BLM: variants seen among roughly 807,000 people sequenced by gnomAD.
The protein encoded by BLM is BLM RecQ like helicase.
A neutral mutation model predicts 135.3 loss-of-function variants in BLM; 95 were observed. The ratio of observed to expected loss-of-function variants is 0.70; its 90% CI spans 0.59 to 0.83. The LOEUF (loss-of-function observed/expected upper bound fraction) is 0.83. Ranked by LOEUF, BLM falls within the 40% of genes least tolerant of loss-of-function variation. BLM has a pLI of 0.00. For synonymous variants in BLM, 520 were observed against 589.2 expected, an observed-to-expected ratio of 0.88 and a Z score of 1.70; for missense variants, 1,518 against 1,663.9, an observed-to-expected ratio of 0.91 and a Z score of 1.53.
intron 12 of BLM, among the ~76,000 whole-genome samples, chr15:90,774,713 A>C (rs540607180): frequency 6.6e-6 from 1 of 151,434 alleles, no homozygotes; most frequent in Non-Finnish European, 1.5e-5. Flanking sequence ...ATGCACCTAT[A>C]GTCGCAGCTA....
intron 14 of BLM, among the ~76,000 whole-genome samples, chr15:90,788,574 G>C (rs928644338): frequency 6.8e-6 from 1 of 147,366 alleles, no homozygotes; most frequent in African/African-American, 2.5e-5. Flanking sequence ...AACTAAGAGA[G>C]TTTGGCAAAA....
chr15:90,764,089 A>G (rs1896057092), intron 8 of BLM, among the ~76,000 whole-genome samples: 1 of 151,900 alleles, frequency 6.6e-6, no homozygotes, highest in South Asian at 2.1e-4. Flanking sequence ...TTGGTGTTTC[A>G]GAACTCTAAC....
chr15:90,745,327 A>C (rs1895471572), intron 1 of BLM, among the ~76,000 whole-genome samples: 4 of 152,220 alleles, frequency 2.6e-5, no homozygotes, highest in African/African-American at 9.6e-5. Flanking sequence ...AAAAAAATTC[A>C]TCACTATTTG....
chr15:90,804,967 G>C (rs1445221213), intron 19 of BLM, among the ~76,000 whole-genome samples: 1 of 152,116 alleles, frequency 6.6e-6, no homozygotes, highest in Admixed American at 6.5e-5. Context: ...CTCCCAAGTA[G>C]CTGGGATTAC....
At chr15:90,797,826 C>T (rs1414301548) in intron 16 of BLM, among the ~76,000 whole-genome samples, 4 of 152,142 alleles carry the variant, frequency 2.6e-5, no homozygotes. Context: ...GGTTAGAATC[C>T]GTGGATTTAC....
Position 90,761,034 on chromosome 15 carries a change from A to T in BLM, c.1661A>T (p.Asp554Val), listed in dbSNP as rs1266070433. 3 of 1,597,148 alleles carry T rather than the reference A, an allele frequency of 1.9e-6. No individual in the cohort carries two copies. The highest frequency in any genetic ancestry group is 1.7e-4 in the Middle Eastern group (1 of 5,962). Residue 554 changes from aspartate to valine, a missense_variant, in exon 7 of 22, where the codon GAT becomes GTT. This residue lies in a region of BLM where 724 missense variants were observed against 756.9 expected (regional missense o/e 0.96). Coordinates refer to ENST00000355112, the MANE Select transcript of BLM (RefSeq NM_000057.4). ...GAAACCCAACCTTCCTATGATATTG[A>T]TAATTTTGACATAGATGACTTTGAT... ...ERETQPSYDI[D>V]NFDIDDFDDD...
chr15:90,763,881 T>C (rs927532691), intron 8 of BLM, among the ~76,000 whole-genome samples: 14 of 152,220 alleles, frequency 9.2e-5, no homozygotes, highest in Admixed American at 2.6e-4. Flanking sequence ...TCAGTACCTA[T>C]GTGTAGTCCT....
chr15:90,805,045 A>T (rs28385143), intron 19 of BLM, among the ~76,000 whole-genome samples: 1 of 151,988 alleles, frequency 6.6e-6, no homozygotes, highest in East Asian at 1.9e-4. Flanking sequence ...CACGTTGGTC[A>T]GGCTGGTCTC....
intron 21 of BLM, among the ~76,000 whole-genome samples, chr15:90,814,837 G>A (rs1302526926): frequency 6.6e-6 from 1 of 152,152 alleles, no homozygotes; most frequent in African/African-American, 2.4e-5. Flanking sequence ...AGGGGCGGTG[G>A]GTTGGTCACA....
intron 4 of BLM, among the ~76,000 whole-genome samples, chr15:90,754,063 T>C (rs997125492): frequency 5.9e-5 from 9 of 152,222 alleles, no homozygotes; most frequent in Non-Finnish European, 1.5e-5. Context: ...CTTTTTAAAA[T>C]CTTTCTTTCA....
intron 1 of BLM, among the ~76,000 whole-genome samples, chr15:90,725,586 C>T (rs1020897107): frequency 1.8e-4 from 28 of 151,504 alleles, no homozygotes; most frequent in Middle Eastern, 3.4e-3. Flanking sequence ...CTCCGCCTCC[C>T]GGGTTCACGC....
intron 1 of BLM, 149 bp from the exon 2 acceptor site, chr15:90,747,240 A>G: frequency 8.7e-6 from 2 of 229,086 alleles, no homozygotes; most frequent in East Asian, 8.9e-5. Flanking sequence ...TATTGACCAA[A>G]AAAAAAAAAA....
At chr15:90,738,061 A>G (rs565806435) in intron 1 of BLM, among the ~76,000 whole-genome samples, 9 of 152,202 alleles carry the variant, frequency 5.9e-5, no homozygotes, top group Non-Finnish European at 1.3e-4. Context: ...ACATAAATGA[A>G]ATGGATAAAT....
chr15:90,761,330 T>C (rs1383517641), intron 7 of BLM, 75 bp downstream of exon 7: 8 of 1,115,964 alleles, frequency 7.2e-6, no homozygotes, highest in Non-Finnish European at 3.6e-6. Context: ...AGAAAAACCA[T>C]AGCAAATCAT....
chr15:90,743,590 T>C (rs1271786101), intron 1 of BLM, among the ~76,000 whole-genome samples: 1 of 151,900 alleles, frequency 6.6e-6, no homozygotes, highest in Admixed American at 6.6e-5. Flanking sequence ...GTGCAGTGGC[T>C]GTTTACAGGT....
chr15:90,754,983 T>C, intron 5 of BLM, 45 bp downstream of exon 5: 1 of 1,606,270 alleles, frequency 6.2e-7, no homozygotes, highest in Non-Finnish European at 8.5e-7. Flanking sequence ...AACTACTTAC[T>C]TTTGAAAACA....
At chr15:90,747,294 T>C in intron 1 of BLM, 95 bp from the exon 2 acceptor site, 1 of 677,684 alleles carries the variant, frequency 1.5e-6, no homozygotes. Context: ...GTTGGAACAA[T>C]GCCTGTTTGA....
intron 1 of BLM, among the ~76,000 whole-genome samples, chr15:90,724,408 T>G (rs1486971351): frequency 6.6e-6 from 1 of 152,172 alleles, no homozygotes; most frequent in East Asian, 1.9e-4. Context: ...CATATAATAA[T>G]TCCTCACTTC....
intron 15 of BLM, chr15:90,793,720 G>A (rs976002655): frequency 2.0e-5 from 3 of 153,276 alleles, no homozygotes; most frequent in African/African-American, 7.2e-5. Context: ...TTCCCTTCAT[G>A]TAAAATATTC....
Sources: gnomAD v4.1 joint callset for allele counts (sites outside exome capture counted in the v4.1 genomes callset) on GRCh38, gnomAD v4.1.1 for gene constraint, gnomAD v4.1.1 regional missense constraint, MANE v1.5 for transcripts, NCBI Gene and HGNC (gene_info 2026-07-23, HGNC 2026-07-21) for gene names.